Variants in TACR1 observed in about 807,000 individuals in gnomAD.
TACR1 encodes tachykinin receptor 1, also known as substance-P receptor.
A neutral mutation model predicts 35.8 loss-of-function variants in TACR1; 25 were observed. The ratio of observed to expected loss-of-function variants is 0.70; its 90% confidence interval spans 0.51 to 0.98. TACR1 has a LOEUF of 0.98. Among genes scored for constraint, TACR1 ranks in the 50% least tolerant of loss-of-function variants. TACR1 has a pLI of 0.00. For missense variants in TACR1, 478 were observed against 522.9 expected (o/e 0.91, Z 0.84); for synonymous variants, 195 against 206.7 (o/e 0.94, Z 0.48).
rs567629729 is a variant in TACR1 at position 75,077,957 on chromosome 2, A to G, written c.585-24202T>C. Among the ~76,000 whole-genome samples, 9 of 152,296 alleles carry G rather than the reference A, an allele frequency of 5.9e-5. No homozygotes were observed. The South Asian group carries it at 1.0e-3, about 18-fold the overall frequency. ...TGAGCTCAAGTTGGAAAGCTCATTCATATCTATTGCATTACCTCTTCTGGA... is the reference window on the plus strand; with the variant it reads ...TGAGCTCAAGTTGGAAAGCTCATTCGTATCTATTGCATTACCTCTTCTGGA... On this transcript the variant is annotated intron_variant, in intron 2 of 4. Coordinates refer to ENST00000305249, the MANE Select transcript of TACR1 (RefSeq NM_001058.4).
intron 1 of TACR1, among the ~76,000 whole-genome samples, chr2:75,185,878 G>A (rs1675681704): frequency 6.6e-6 from 1 of 152,148 alleles, no homozygotes; most frequent in Non-Finnish European, 1.5e-5. Flanking sequence ...ACACATTGAT[G>A]ACAAATTATA....
At chr2:75,120,978 A>ATT (rs1224633746) in intron 1 of TACR1, among the ~76,000 whole-genome samples, 1 of 152,134 alleles carries the variant, frequency 6.6e-6, no homozygotes. Flanking sequence ...AGCCAGCTAG[A>ATT]TTTTTCAGTA....
chr2:75,191,082 A>T (rs1048330573), intron 1 of TACR1, among the ~76,000 whole-genome samples: 1 of 152,156 alleles, frequency 6.6e-6, no homozygotes, highest in Non-Finnish European at 1.5e-5. Context: ...GGTGCTCCTC[A>T]TCCAGAGAGC....
chr2:75,154,401 A>AGCGTGCGCGCGCGCGCGC (rs1553380902), intron 1 of TACR1: 1 of 76,444 alleles, frequency 1.3e-5, no homozygotes, highest in Non-Finnish European at 2.7e-5. Flanking sequence ...ATCAGCCAAG[A>AGCGTGCGCGCGCGCGCGC]GCGCGCACGC....
intron 1 of TACR1, among the ~76,000 whole-genome samples, chr2:75,186,443 C>A (rs377516078): frequency 1.3e-5 from 2 of 149,414 alleles, no homozygotes; most frequent in East Asian, 1.9e-4. Context: ...AATAGTGGTG[C>A]TTAGGCAGTG....
rs748748122 is a variant in TACR1 at position 75,053,696 on chromosome 2, G to A, written c.644C>T (p.Ala215Val). 2 of 1,613,988 alleles carry A rather than the reference G, an allele frequency of 1.2e-6. No individual in the cohort carries two copies. The highest frequency in any genetic ancestry group is 1.3e-5 in the African/African-American group (1 of 75,070). Reference sequence around the variant, plus strand: ...TAGTGTGATTCCCACTACGGTGTATGCATAGCCAATCACCAGCAGGGGGAG... The same window carrying A: ...TAGTGTGATTCCCACTACGGTGTATACATAGCCAATCACCAGCAGGGGGAG... Reference protein sequence around the residue: ...YFLPLLVIGYAYTVVGITLWA... With the variant: ...YFLPLLVIGYVYTVVGITLWA... The change falls in exon 3 of 5, where the codon GCA becomes GTA. Residue 215 changes from alanine (A) to valine (V), a missense_variant. Ala to Val is a moderately conservative substitution (Grantham distance 64). Transcript: ENST00000305249.
chr2:75,120,137 C>T (rs1487314131), intron 2 of TACR1, among the ~76,000 whole-genome samples: 1 of 152,118 alleles, frequency 6.6e-6, no homozygotes, highest in Non-Finnish European at 1.5e-5. Context: ...ATGGCTACTC[C>T]ATAGACAGAG....
chr2:75,178,003 G>A (rs1252716950), intron 1 of TACR1, among the ~76,000 whole-genome samples: 1 of 151,994 alleles, frequency 6.6e-6, no homozygotes, highest in Non-Finnish European at 1.5e-5. Flanking sequence ...ATAAAAATGA[G>A]CTGTCATTTT....
At chr2:75,158,850 TC>T (rs1200965071) in intron 1 of TACR1, among the ~76,000 whole-genome samples, 3 of 152,180 alleles carry the variant, frequency 2.0e-5, no homozygotes, top group Non-Finnish European at 4.4e-5. Context: ...CGGTCCCATG[TC>T]CCAGGCCTGG....
intron 3 of TACR1, among the ~76,000 whole-genome samples, chr2:75,052,996 G>T (rs1330200943): frequency 6.6e-6 from 1 of 152,104 alleles, no homozygotes; most frequent in African/African-American, 2.4e-5. Flanking sequence ...CCAGGACACT[G>T]ACCATTCATC....
chr2:75,140,560 A>G (rs912377409), intron 1 of TACR1, among the ~76,000 whole-genome samples: 3 of 152,126 alleles, frequency 2.0e-5, no homozygotes, highest in Admixed American at 1.3e-4. Flanking sequence ...GCCAAACCAA[A>G]TACTGTCATC....
chr2:75,065,987 G>A (rs1237151685), intron 2 of TACR1, among the ~76,000 whole-genome samples: 1 of 152,180 alleles, frequency 6.6e-6, no homozygotes, highest in Non-Finnish European at 1.5e-5. Flanking sequence ...GCTGTGCCCT[G>A]AAAATATGTA....
At chr2:75,147,352 C>T (rs1674534188) in intron 1 of TACR1, among the ~76,000 whole-genome samples, 1 of 152,228 alleles carries the variant, frequency 6.6e-6, no homozygotes, top group South Asian at 2.1e-4. Context: ...GTGGTCATAA[C>T]ATAATGGGTT....
At chr2:75,197,846 G>A (rs1019890767) in intron 1 of TACR1, among the ~76,000 whole-genome samples, 11 of 152,176 alleles carry the variant, frequency 7.2e-5, no homozygotes, top group African/African-American at 2.7e-4. Context: ...ATCCCTATCC[G>A]TGGAGTTTCT....
rs1572992051 is a variant in TACR1 at position 75,189,817 on chromosome 2, G to C, written c.389+8729C>G. On this transcript the variant is annotated intron_variant, in intron 1 of 4. Coordinates refer to ENST00000305249, the MANE Select transcript of TACR1 (RefSeq NM_001058.4). ...TAACAAAGCCAGATGTATCAAATTT[G>C]TGAGTATAGTTTGAAATGCTTAGAG... 3 of 152,178 alleles carry C rather than the reference G, an allele frequency of 2.0e-5. No individual in the cohort carries two copies. In the South Asian group the frequency reaches 6.2e-4, roughly 31 times the overall value. The allele number at this position is 152,178 out of a possible 1,614,324, so 9.4% of individuals were successfully genotyped here. A position where few individuals can be genotyped will look rare whatever the true frequency, so the allele number is the denominator to read the frequency against.
At chr2:75,193,685 T>G (rs563172654) in intron 1 of TACR1, among the ~76,000 whole-genome samples, 2 of 152,290 alleles carry the variant, frequency 1.3e-5, no homozygotes, top group African/African-American at 4.8e-5. Context: ...CTAAAAATCT[T>G]ATCTAATCTT....
At chr2:75,104,114 G>A (rs1241020367) in intron 2 of TACR1, among the ~76,000 whole-genome samples, 3 of 152,018 alleles carry the variant, frequency 2.0e-5, no homozygotes, top group Non-Finnish European at 4.4e-5. Context: ...AAAGGACACA[G>A]AGTGCTTAAT....
At chr2:75,153,055 C>G (rs536673666) in intron 1 of TACR1, among the ~76,000 whole-genome samples, 5 of 152,182 alleles carry the variant, frequency 3.3e-5, no homozygotes, top group Non-Finnish European at 7.3e-5. Context: ...GCGTGCACCA[C>G]CACGCCTGGC....
At chr2:75,094,859 A>ATATATATATATATTTTTTTTTTTTTTTTT in intron 2 of TACR1, among the ~76,000 whole-genome samples, 1 of 113,134 alleles carries the variant, frequency 8.8e-6, no homozygotes, top group African/African-American at 4.8e-5. Context: ...ATATATATAT[A>ATATATATATATATTTTTTTTTTTTTTTTT]TTTTTTTTTT....
Sources: allele counts gnomAD v4.1 joint callset (sites outside exome capture counted in the v4.1 genomes callset), GRCh38; gene constraint gnomAD v4.1.1; transcripts MANE v1.5; gene names NCBI Gene and HGNC (gene_info 2026-07-23, HGNC 2026-07-21).